The following NELL1 variants were observed in gnomAD, a reference collection of about 807,000 sequenced individuals.
The protein encoded by NELL1 is neural EGFL like 1.
Under a neutral mutation model 107.4 loss-of-function variants are expected in NELL1, and 76 were observed. The ratio of observed to expected loss-of-function variants is 0.71; its 90% CI spans 0.59 to 0.86. The LOEUF (loss-of-function observed/expected upper bound fraction) is 0.86. Among genes scored for constraint, NELL1 ranks in the 40% least tolerant of loss-of-function variants. The pLI is 0.00. For synonymous variants in NELL1, 353 were observed against 341.2 expected (o/e 1.03, Z -0.38); for missense variants, 1,024 against 1,005.5 (o/e 1.02, Z -0.25).
At chr11:21,568,852 G>C (rs1161940639) in intron 17 of NELL1, among the ~76,000 whole-genome samples, 4 of 130,836 alleles carry the variant, frequency 3.1e-5, no homozygotes, top group Non-Finnish European at 6.7e-5. Flanking sequence ...ACTTGCCTGA[G>C]GCTGTTTTAG....
intron 2 of NELL1, among the ~76,000 whole-genome samples, chr11:20,723,450 C>G (rs1855438140): frequency 6.6e-6 from 1 of 152,164 alleles, no homozygotes; most frequent in South Asian, 2.1e-4. Context: ...TCCTAAAGGG[C>G]CCTCAGTAAA....
intron 14 of NELL1, among the ~76,000 whole-genome samples, chr11:21,330,105 C>T (rs1400488839): frequency 6.6e-6 from 1 of 151,884 alleles, no homozygotes; most frequent in Non-Finnish European, 1.5e-5. Context: ...CTCCCTACTT[C>T]AATATAGCTT....
chr11:21,146,020 C>G (rs554360800), intron 13 of NELL1, among the ~76,000 whole-genome samples: 2 of 152,140 alleles, frequency 1.3e-5, no homozygotes, highest in Admixed American at 6.6e-5. Context: ...GCTTCTGCCT[C>G]CCTTGGACAA....
chr11:21,004,314 C>T (rs1346779598), intron 12 of NELL1, among the ~76,000 whole-genome samples: 1 of 152,020 alleles, frequency 6.6e-6, no homozygotes, highest in Non-Finnish European at 1.5e-5. Context: ...TAATTAGAGT[C>T]AGTCTAGTTT....
chr11:20,732,929 A>C (rs1855681139), intron 2 of NELL1, among the ~76,000 whole-genome samples: 1 of 152,192 alleles, frequency 6.6e-6, no homozygotes, highest in African/African-American at 2.4e-5. Context: ...GGGAACACAA[A>C]GGCTAGTCTC....
intron 2 of NELL1, among the ~76,000 whole-genome samples, chr11:20,699,382 A>G (rs973993889): frequency 6.7e-6 from 1 of 150,038 alleles, no homozygotes; most frequent in Non-Finnish European, 1.5e-5. Context: ...TTTTTTTGAG[A>G]TGGAGTCTCG....
intron 16 of NELL1, among the ~76,000 whole-genome samples, chr11:21,538,018 T>G: frequency 6.6e-6 from 1 of 152,168 alleles, no homozygotes; most frequent in Non-Finnish European, 1.5e-5. Context: ...TAACATAGCT[T>G]AATAGCACTG....
chr11:21,104,977 G>A (rs1161515463), intron 12 of NELL1, among the ~76,000 whole-genome samples: 1 of 152,102 alleles, frequency 6.6e-6, no homozygotes, highest in African/African-American at 2.4e-5. Flanking sequence ...TCACCCTCAT[G>A]ACCTCATCTA....
intron 14 of NELL1, among the ~76,000 whole-genome samples, chr11:21,339,620 C>T (rs2133700566): frequency 6.6e-6 from 1 of 152,314 alleles, no homozygotes. Context: ...AGTTTAGGCA[C>T]CTCTCCAGGC....
At chr11:20,973,900 A>G (rs1851552129) in intron 12 of NELL1, among the ~76,000 whole-genome samples, 1 of 152,188 alleles carries the variant, frequency 6.6e-6, no homozygotes. Flanking sequence ...TCAAAACTCT[A>G]ATGGGAACTT....
At chr11:21,144,384 C>T (rs766063129) in intron 13 of NELL1, among the ~76,000 whole-genome samples, 1 of 152,160 alleles carries the variant, frequency 6.6e-6, no homozygotes, top group Non-Finnish European at 1.5e-5. Flanking sequence ...GTGAAATATG[C>T]ATGCATGTTT....
chr11:21,314,430 C>T (rs762740921), intron 14 of NELL1, among the ~76,000 whole-genome samples: 1 of 152,032 alleles, frequency 6.6e-6, no homozygotes, highest in Non-Finnish European at 1.5e-5. Context: ...AGTAATGATG[C>T]CATAGAACTG....
intron 12 of NELL1, among the ~76,000 whole-genome samples, chr11:21,087,094 C>T (rs546035093): frequency 2.0e-5 from 3 of 152,234 alleles, no homozygotes; most frequent in South Asian, 2.1e-4. Context: ...ACGCCTCGGC[C>T]GCCCAAAGTG....
intron 15 of NELL1, among the ~76,000 whole-genome samples, chr11:21,513,027 C>A (rs1855477052): frequency 7.2e-5 from 11 of 152,128 alleles, no homozygotes; most frequent in Admixed American, 7.2e-4. Context: ...AGCCAGTAGT[C>A]AAGGTGATTG....
chr11:21,488,071 G>A (rs4923619), intron 15 of NELL1, among the ~76,000 whole-genome samples: 133,921 of 152,186 alleles, frequency 0.88, 58,983 homozygotes, highest in East Asian at 0.98. Flanking sequence ...ACTGACTTCA[G>A]TTCAGAAATA....
intron 13 of NELL1, among the ~76,000 whole-genome samples, chr11:21,209,275 C>T (rs1479047623): frequency 6.6e-6 from 1 of 150,424 alleles, no homozygotes; most frequent in African/African-American, 2.4e-5. Flanking sequence ...ATGTGTTATA[C>T]ATAATTACTT....
At chr11:21,152,278 T>C (rs1856135328) in intron 13 of NELL1, among the ~76,000 whole-genome samples, 1 of 152,170 alleles carries the variant, frequency 6.6e-6, no homozygotes, top group African/African-American at 2.4e-5. Flanking sequence ...TATTTCCTGA[T>C]CCCAATTCTC....
chr11:20,960,692 T>C, intron 12 of NELL1, 132 bp downstream of exon 12: 4 of 1,008,790 alleles, frequency 4.0e-6, no homozygotes, highest in Non-Finnish European at 5.8e-6. Flanking sequence ...TCATATCAAT[T>C]GCTGAGGGTT....
In NELL1 at chr11:21,343,853, C is replaced by G. The variant is rs1850628012; in HGVS notation, c.1550-27000C>G. 3.3e-5 allele frequency among the ~76,000 whole-genome samples: 5 copies of G among 152,078 alleles called. No homozygotes were observed. In the South Asian group the frequency reaches 1.0e-3, roughly 32 times the overall value. Reference sequence around the variant, plus strand: ...CTTATCTTTCTTAGATTCTGTAGCACCTAGCTCAGTGTCTGTGTTAAAGGA... The same window carrying G: ...CTTATCTTTCTTAGATTCTGTAGCAGCTAGCTCAGTGTCTGTGTTAAAGGA... On this transcript the variant is annotated intron_variant, in intron 14 of 19. Transcript: ENST00000357134.
Sources: allele counts gnomAD v4.1 joint callset (sites outside exome capture counted in the v4.1 genomes callset), GRCh38; gene constraint gnomAD v4.1.1; transcripts MANE v1.5; gene names NCBI Gene and HGNC (gene_info 2026-07-23, HGNC 2026-07-21).